MAP2K5: variants seen among roughly 807,000 people sequenced by gnomAD.
The protein encoded by MAP2K5 is mitogen-activated protein kinase kinase 5.
Under a neutral mutation model 83.1 loss-of-function variants are expected in MAP2K5, and 49 were observed. The ratio of observed to expected loss-of-function variants is 0.59; its 90% CI spans 0.47 to 0.75. MAP2K5 has a LOEUF of 0.75. Among genes scored for constraint, MAP2K5 ranks in the 30% least tolerant of loss-of-function variants. The pLI is 0.00. For missense variants in MAP2K5, 457 were observed against 557.5 expected, an observed-to-expected ratio of 0.82 and a Z score of 1.82; for synonymous variants, 202 against 191.8, an observed-to-expected ratio of 1.05 and a Z score of -0.44.
At chr15:67,607,497 C>T (rs1200673839) in intron 8 of MAP2K5, among the ~76,000 whole-genome samples, 1 of 152,188 alleles carries the variant, frequency 6.6e-6, no homozygotes, top group Non-Finnish European at 1.5e-5. Flanking sequence ...CATACATGCT[C>T]ATATCCATTA....
chr15:67,586,520 C>A (rs1159729320), intron 5 of MAP2K5, among the ~76,000 whole-genome samples: 1 of 152,082 alleles, frequency 6.6e-6, no homozygotes, highest in Non-Finnish European at 1.5e-5. Context: ...TCACTACTAA[C>A]CCCTGGGTAT....
rs1433794108 is a variant in MAP2K5 at position 67,780,490 on chromosome 15, T to G, written c.1242+7738T>G. Among the ~76,000 whole-genome samples the G allele has an allele frequency of 6.6e-6, 1 of 152,210 alleles. No homozygotes were observed. The highest frequency in any genetic ancestry group is 2.1e-4 in the South Asian group (1 of 4,832). On this transcript the variant is annotated intron_variant, in intron 21 of 21. Coordinates refer to ENST00000178640, the MANE Select transcript of MAP2K5 (RefSeq NM_145160.3). This position sits in a 1 kb window ranked among gnomAD's most constrained non-coding sequence, Gnocchi z 5.0. ...TCTCTAATCCAATCCAGTAAAACAC[T>G]GTGCAGATAAAGTAGACACTAAACA...
At chr15:67,732,418 C>T (rs1236039422) in intron 17 of MAP2K5, among the ~76,000 whole-genome samples, 1 of 152,140 alleles carries the variant, frequency 6.6e-6, no homozygotes, top group Non-Finnish European at 1.5e-5. Flanking sequence ...ATTTGGCAAG[C>T]AAGATGCCAC....
At position 67,785,605 on chromosome 15, in the gene MAP2K5, A is replaced by C. The variant is rs1397109904; in HGVS notation, c.1242+12853A>C. 6.6e-6 allele frequency among the ~76,000 whole-genome samples: 1 copy of C among 152,172 alleles called. No individual in the cohort carries two copies. Among genetic ancestry groups the C allele is most frequent in the Admixed American group, 6.5e-5 (1 of 15,282 alleles). ...AGAGGGGAAACAGCAAGGAGAAGAC[A>C]ACCCACAGATGTCCACACCAACACA... On this transcript the variant is annotated intron_variant, in intron 21 of 21. Coordinates refer to ENST00000178640, the MANE Select transcript of MAP2K5 (RefSeq NM_145160.3). The surrounding 1 kb of genome is among the most constrained non-coding windows in gnomAD (Gnocchi z 4.4).
intron 21 of MAP2K5, 54 bp downstream of exon 21, chr15:67,772,806 A>T (rs2090167676): frequency 6.9e-7 from 1 of 1,442,840 alleles, no homozygotes; most frequent in Admixed American, 1.9e-5. Context: ...TTTATGTTTA[A>T]CATTCTGTTT....
Position 67,722,302 on chromosome 15 carries a change from T to C in MAP2K5, c.1045-5614T>C, listed in dbSNP as rs889247793. Among the ~76,000 whole-genome samples, 2 of 152,158 alleles carry C rather than the reference T, an allele frequency of 1.3e-5. No homozygotes were observed. Among genetic ancestry groups the C allele is most frequent in the Non-Finnish European group, 1.5e-5 (1 of 68,028 alleles). On this transcript the variant is annotated intron_variant, in intron 16 of 21. Coordinates refer to ENST00000178640, the MANE Select transcript of MAP2K5 (RefSeq NM_145160.3). This position sits in a 1 kb window ranked among gnomAD's most constrained non-coding sequence, Gnocchi z 4.2. ...CTTTGTTCTTAAGCCCCAGACACTT[T>C]GGAGTGCAGCTGCAAACTATAGGCA... is the stretch of plus-strand genomic sequence containing the variant.
At chr15:67,582,055 A>ATTTTT (rs1233297576) in intron 4 of MAP2K5, among the ~76,000 whole-genome samples, 8 of 134,862 alleles carry the variant, frequency 5.9e-5, no homozygotes, top group Non-Finnish European at 6.3e-5. Context: ...GATGTAGATG[A>ATTTTT]TTTCTTTTTT....
intron 21 of MAP2K5, among the ~76,000 whole-genome samples, chr15:67,773,801 G>T (rs1415185997): frequency 6.6e-6 from 1 of 152,078 alleles, no homozygotes; most frequent in Non-Finnish European, 1.5e-5. Flanking sequence ...GAATAAACTG[G>T]TCTCTTTTTT....
Position 67,565,248 on chromosome 15 carries a change from G to A in MAP2K5, c.252+1898G>A, listed in dbSNP as rs923484381. Among the ~76,000 whole-genome samples the A allele has an allele frequency of 4.6e-5, 7 of 150,932 alleles. No homozygotes were observed. The highest frequency in any genetic ancestry group is 5.9e-5 in the Non-Finnish European group (4 of 67,842). ...CACTGTTATTTATTTTTTTTTCTCC[G>A]AGATGGAGTCTTGCTCTGTCACCGA... is the stretch of plus-strand genomic sequence containing the variant. On this transcript the variant is annotated intron_variant, in intron 3 of 21. Coordinates refer to ENST00000178640, the MANE Select transcript of MAP2K5 (RefSeq NM_145160.3). This position sits in a 1 kb window ranked among gnomAD's most constrained non-coding sequence, Gnocchi z 4.1.
chr15:67,571,670 A>G (rs905080724), intron 3 of MAP2K5, among the ~76,000 whole-genome samples: 8 of 152,164 alleles, frequency 5.3e-5, no homozygotes, highest in African/African-American at 1.7e-4. Context: ...TCTTCTTAAC[A>G]TCTTTATAAG....
At chr15:67,544,865 C>T (rs141550861) in intron 1 of MAP2K5, among the ~76,000 whole-genome samples, 1 of 152,152 alleles carries the variant, frequency 6.6e-6, no homozygotes, top group East Asian at 1.9e-4. Context: ...GTGCCTTGAC[C>T]AGGAGCTTTC....
At chr15:67,776,049 A>C (rs562203678) in intron 21 of MAP2K5, among the ~76,000 whole-genome samples, 1 of 152,224 alleles carries the variant, frequency 6.6e-6, no homozygotes, top group South Asian at 2.1e-4. Flanking sequence ...ATGTATAGGG[A>C]GGTCCCTCAT....
At position 67,563,036 on chromosome 15, in the gene MAP2K5, A is replaced by C. The variant is rs1208810189; in HGVS notation, c.185-247A>C. Among the ~76,000 whole-genome samples, 2 of 152,212 alleles carry C rather than the reference A, an allele frequency of 1.3e-5. No homozygotes were observed. Among genetic ancestry groups the C allele is most frequent in the Non-Finnish European group, 2.9e-5 (2 of 68,034 alleles). On this transcript the variant is annotated intron_variant, in intron 2 of 21. Transcript: ENST00000178640. The surrounding 1 kb of genome is among the most constrained non-coding windows in gnomAD (Gnocchi z 4.5). Reference sequence around the variant, plus strand: ...ACTCCAGTTATATTTACTTTAACCTAGAGATATGTTGTGAATGACATGAGC... The same window carrying C: ...ACTCCAGTTATATTTACTTTAACCTCGAGATATGTTGTGAATGACATGAGC...
intron 3 of MAP2K5, among the ~76,000 whole-genome samples, chr15:67,567,169 A>T (rs1033933970): frequency 6.6e-6 from 1 of 152,226 alleles, no homozygotes; most frequent in Non-Finnish European, 1.5e-5. Flanking sequence ...TATTGAAAGA[A>T]TTCAGCAGCC....
rs1352605663 is a variant in MAP2K5 at position 67,750,129 on chromosome 15, T to C, written c.1134+1528T>C. On this transcript the variant is annotated intron_variant, in intron 19 of 21. Transcript: ENST00000178640. This position sits in a 1 kb window ranked among gnomAD's most constrained non-coding sequence, Gnocchi z 4.2. ...TTAATTTGGGCAAAATCATGAGACTTTTGAAATTACCATGGGGAGATGTTC... is the reference window on the plus strand; with the variant it reads ...TTAATTTGGGCAAAATCATGAGACTCTTGAAATTACCATGGGGAGATGTTC... Among the ~76,000 whole-genome samples, 1 of 152,240 alleles carries C rather than the reference T, an allele frequency of 6.6e-6. No individual in the cohort carries two copies. Among genetic ancestry groups the C allele is most frequent in the Non-Finnish European group, 1.5e-5 (1 of 68,044 alleles).
rs183720008 is a variant in MAP2K5 at position 67,720,265 on chromosome 15, C to G, written c.1045-7651C>G. On this transcript the variant is annotated intron_variant, in intron 16 of 21. Coordinates refer to ENST00000178640, the MANE Select transcript of MAP2K5 (RefSeq NM_145160.3). This position sits in a 1 kb window ranked among gnomAD's most constrained non-coding sequence, Gnocchi z 5.7. ...ACATAAACACACGCATATATATACACACACATATGCTTATATATACATAAG... is the reference window on the plus strand; with the variant it reads ...ACATAAACACACGCATATATATACAGACACATATGCTTATATATACATAAG... Among the ~76,000 whole-genome samples the G allele has an allele frequency of 1.1e-3, 163 of 152,062 alleles. 2 individuals carry two copies. Among genetic ancestry groups the G allele is most frequent in the Admixed American group, 5.8e-3 (89 of 15,284 alleles).
chr15:67,675,993 A>G (rs146220733), intron 13 of MAP2K5, among the ~76,000 whole-genome samples: 8 of 152,330 alleles, frequency 5.3e-5, no homozygotes, highest in East Asian at 3.9e-4. Context: ...CCCCACCTCT[A>G]AAAGCCTTCT....
intron 3 of MAP2K5, among the ~76,000 whole-genome samples, chr15:67,566,796 A>G (rs867244007): frequency 2.0e-5 from 3 of 152,230 alleles, no homozygotes; most frequent in Admixed American, 2.0e-4. Flanking sequence ...AGACCTGAAA[A>G]TGTTGCCTTT....
At chr15:67,615,244 C>G (rs573595207) in intron 8 of MAP2K5, among the ~76,000 whole-genome samples, 2 of 152,210 alleles carry the variant, frequency 1.3e-5, no homozygotes, top group South Asian at 2.1e-4. Context: ...GTAATCTGCC[C>G]GCATCGGCCT....
Sources: allele counts gnomAD v4.1 joint callset (sites outside exome capture counted in the v4.1 genomes callset), GRCh38; gene constraint gnomAD v4.1.1; non-coding constraint Gnocchi (gnomAD v3.1); transcripts MANE v1.5; gene names NCBI Gene and HGNC (gene_info 2026-07-23, HGNC 2026-07-21).